NXPE4: variants seen among roughly 807,000 people sequenced by gnomAD.
NXPE4 encodes NXPE family member 4.
In NXPE4, 42 loss-of-function variants were observed where a neutral mutation model predicts 33.3. The ratio of observed to expected loss-of-function variants is 1.26; its 90% CI spans 0.98 to 1.63. The LOEUF (loss-of-function observed/expected upper bound fraction) is 1.63. Ranked by LOEUF, NXPE4 falls within the 40% of genes most tolerant of loss-of-function variation. The pLI is 0.00. For missense variants in NXPE4, 709 were observed against 647.6 expected, an observed-to-expected ratio of 1.09 and a Z score of -1.03; for synonymous variants, 253 against 234.9, an observed-to-expected ratio of 1.08 and a Z score of -0.71.
At chr11:114,576,977 A>T (rs1179986170) in intron 5 of NXPE4, among the ~76,000 whole-genome samples, 10 of 90,764 alleles carry the variant, frequency 1.1e-4, no homozygotes, top group Middle Eastern at 5.7e-3. Flanking sequence ...GAAGATGTTT[A>T]TATATATATA....
the NXPE4 span, among the ~76,000 whole-genome samples, chr11:114,625,441 G>A: frequency 1.3e-5 from 2 of 152,234 alleles, no homozygotes; most frequent in East Asian, 3.9e-4. Context: ...TGGATAATAA[G>A]TATTGCCTCT....
the NXPE4 span, among the ~76,000 whole-genome samples, chr11:114,672,074 G>A: frequency 1.3e-5 from 2 of 151,886 alleles, no homozygotes; most frequent in South Asian, 4.1e-4. Context: ...AGGAGGAGGT[G>A]CTACACACTT....
At chr11:114,671,178 A>T in the NXPE4 span, among the ~76,000 whole-genome samples, 21,612 of 150,920 alleles carry the variant, frequency 0.14, 1,906 homozygotes, top group East Asian at 0.38. Flanking sequence ...ACTTAACAGT[A>T]GATTTGAACT....
At position 114,571,107 on chromosome 11, in the gene NXPE4, T is replaced by C. The variant is rs759808858; in HGVS notation, c.1466A>G (p.Asp489Gly). The C allele has an allele frequency of 7.4e-6, 12 of 1,613,882 alleles. No individual in the cohort carries two copies. The East Asian group carries it at 2.5e-4, about 33-fold the overall frequency. The change falls in exon 6 of 6, where the codon GAC (aspartate) becomes GGC (glycine). Residue 489 changes from aspartate (D) to glycine (G), a missense_variant. By Grantham distance (94) the Asp-to-Gly change is moderately conservative (BLOSUM62 -1). Transcript: ENST00000375478. ...EMYNDAERFS[D>G]FHGYIQYLII... ...GAGATATTGAATGTAACCATGAAAGTCACTAAATCTTTCTGCATCATTGTA... is the reference window on the plus strand; with the variant it reads ...GAGATATTGAATGTAACCATGAAAGCCACTAAATCTTTCTGCATCATTGTA...
Position 114,571,263 on chromosome 11 carries a change from T to A in NXPE4, c.1310A>T (p.Gln437Leu). 1 of 1,614,054 alleles carries A rather than the reference T, an allele frequency of 6.2e-7. No homozygotes were observed. Among genetic ancestry groups the A allele is most frequent in the Non-Finnish European group, 8.5e-7 (1 of 1,179,964 alleles). Residue 437 changes from glutamine to leucine, a missense_variant, in exon 6 of 6, where the codon CAG becomes CTG. Physicochemically the swap from Gln to Leu is moderately radical, Grantham distance 113. Transcript: ENST00000375478. ...KNTVIVISLG[Q>L]HFRPFPIDVF... Reference sequence around the variant, plus strand: ...ATCAATGGGAAAGGGTCTGAAATGCTGGCCCAGGGAAATAACAATGACAGT... The same window carrying A: ...ATCAATGGGAAAGGGTCTGAAATGCAGGCCCAGGGAAATAACAATGACAGT...
At chr11:114,580,447 T>C (rs1428961695) in intron 4 of NXPE4, 109 bp from the exon 5 acceptor site, 2 of 853,804 alleles carry the variant, frequency 2.3e-6, no homozygotes, top group Non-Finnish European at 3.7e-6. Context: ...AAGGTGGTGG[T>C]AATGGTGGAA....
At chr11:114,589,967 C>T (rs1049568248) in intron 2 of NXPE4, among the ~76,000 whole-genome samples, 3 of 152,218 alleles carry the variant, frequency 2.0e-5, no homozygotes, top group Non-Finnish European at 4.4e-5. Context: ...AAATGGTTTA[C>T]AGTCTTAGAT....
chr11:114,591,582 C>T (rs986157212), intron 2 of NXPE4, among the ~76,000 whole-genome samples: 1 of 152,036 alleles, frequency 6.6e-6, no homozygotes, highest in Non-Finnish European at 1.5e-5. Flanking sequence ...TCAGTACTCC[C>T]CTGCAAAAAT....
chr11:114,606,208 C>T, the NXPE4 span, among the ~76,000 whole-genome samples: 7 of 136,626 alleles, frequency 5.1e-5, no homozygotes, highest in East Asian at 2.3e-4. Flanking sequence ...GTGGATAATA[C>T]GTATTGCCTC....
chr11:114,571,527 G>A (rs992146827), intron 5 of NXPE4, 54 bp from the exon 6 acceptor site: 34 of 1,422,550 alleles, frequency 2.4e-5, no homozygotes, highest in Non-Finnish European at 3.2e-5. Context: ...TACCAAGATT[G>A]AGTAGATATA....
intron 4 of NXPE4, among the ~76,000 whole-genome samples, chr11:114,581,032 AAAT>A (rs1052961998): frequency 1.3e-5 from 2 of 152,196 alleles, no homozygotes; most frequent in African/African-American, 4.8e-5. Context: ...TGTGTGGTAA[AAAT>A]AACATTTCTA....
the NXPE4 span, among the ~76,000 whole-genome samples, chr11:114,671,580 C>T: frequency 1 from 151,943 of 152,128 alleles, 75,879 homozygotes; most frequent in Middle Eastern, 1. Flanking sequence ...CACAATAAGA[C>T]TAACAACTGA....
the NXPE4 span, among the ~76,000 whole-genome samples, chr11:114,636,004 CTT>C: frequency 3.3e-5 from 5 of 151,982 alleles, no homozygotes; most frequent in African/African-American, 1.2e-4. Context: ...AGGATTCCCT[CTT>C]TTTCTATTGA....
At chr11:114,602,768 TA>T in the NXPE4 span, among the ~76,000 whole-genome samples, 14 of 144,938 alleles carry the variant, frequency 9.7e-5, no homozygotes, top group Admixed American at 2.8e-4. Flanking sequence ...ATCTCATATA[TA>T]ATTACAGAAT....
chr11:114,628,143 T>C, the NXPE4 span, among the ~76,000 whole-genome samples: 4 of 143,288 alleles, frequency 2.8e-5, no homozygotes, highest in Non-Finnish European at 6.0e-5. Flanking sequence ...TACCCAAGAA[T>C]TGAACTCAGC....
the NXPE4 span, among the ~76,000 whole-genome samples, chr11:114,638,605 T>C: frequency 6.6e-6 from 1 of 152,054 alleles, no homozygotes; most frequent in Non-Finnish European, 1.5e-5. Flanking sequence ...TTTATCTACT[T>C]TTGTCTTTGA....
the NXPE4 span, among the ~76,000 whole-genome samples, chr11:114,639,005 C>G: frequency 1.3e-5 from 2 of 152,072 alleles, no homozygotes; most frequent in Non-Finnish European, 2.9e-5. Flanking sequence ...AGCTGTCAGA[C>G]TGGGACATTT....
chr11:114,601,762 T>A, the NXPE4 span, among the ~76,000 whole-genome samples: 1 of 70,768 alleles, frequency 1.4e-5, no homozygotes, highest in Admixed American at 2.6e-4. Flanking sequence ...AATATATATG[T>A]GATTATATAT....
At chr11:114,661,484 G>T in the NXPE4 span, among the ~76,000 whole-genome samples, 1 of 152,144 alleles carries the variant, frequency 6.6e-6, no homozygotes, top group Non-Finnish European at 1.5e-5. Context: ...TGCCTGTTTT[G>T]TCTGCATTGT....
Sources: allele counts gnomAD v4.1 joint callset (sites outside exome capture counted in the v4.1 genomes callset), GRCh38; gene constraint gnomAD v4.1.1; transcripts MANE v1.5; gene names NCBI Gene and HGNC (gene_info 2026-07-23, HGNC 2026-07-21).